PCDHGA9: variants seen among roughly 807,000 people sequenced by gnomAD.
PCDHGA9 encodes protocadherin gamma subfamily A, 9.
PCDHGA9 carries 37 observed loss-of-function variants against 62.5 expected under a neutral mutation model. That is an observed-to-expected ratio of 0.59 (90% CI 0.46 to 0.78). PCDHGA9 has a LOEUF of 0.78. PCDHGA9 is among the 30% of genes least tolerant of loss of function. The probability of loss-of-function intolerance (pLI) is 0.00; values close to 1 mark genes in which losing one functional copy is unlikely to be tolerated. For synonymous variants in PCDHGA9, 459 were observed against 484.6 expected (o/e 0.95, Z 0.69); for missense variants, 1,138 against 1,166.2 (o/e 0.98, Z 0.35).
chr5:141,409,231 C>T (rs756486864), intron 1 of PCDHGA9: 7 of 1,613,926 alleles, frequency 4.3e-6, no homozygotes, highest in Admixed American at 3.3e-5. Flanking sequence ...AAAACGACAA[C>T]AGCCCAGAAA....
At chr5:141,494,215 G>T (rs984086536) in intron 1 of PCDHGA9, among the ~76,000 whole-genome samples, 2 of 152,200 alleles carry the variant, frequency 1.3e-5, no homozygotes, top group Non-Finnish European at 2.9e-5. Context: ...GCCCAATCTG[G>T]CATGACTCCT....
chr5:141,484,532 G>A (rs1421387882), intron 1 of PCDHGA9, among the ~76,000 whole-genome samples: 1 of 152,182 alleles, frequency 6.6e-6, no homozygotes, highest in Non-Finnish European at 1.5e-5. Context: ...TTGAGTATAT[G>A]GCAGTGGTTC....
At chr5:141,417,602 C>T (rs556223277) in intron 1 of PCDHGA9, 2 of 510,170 alleles carry the variant, frequency 3.9e-6, no homozygotes, top group Admixed American at 3.8e-5. Context: ...TGGGCGCCGC[C>T]GTCGGCCAGT....
chr5:141,461,813 C>T (rs2099023751), intron 1 of PCDHGA9, among the ~76,000 whole-genome samples: 1 of 151,846 alleles, frequency 6.6e-6, no homozygotes, highest in African/African-American at 2.4e-5. Flanking sequence ...ACCACCACAC[C>T]CAGCTAATTT....
At chr5:141,469,770 A>G (rs1003620088) in intron 1 of PCDHGA9, among the ~76,000 whole-genome samples, 4 of 152,234 alleles carry the variant, frequency 2.6e-5, no homozygotes, top group Non-Finnish European at 5.9e-5. Flanking sequence ...ATACCAGCTT[A>G]TTTATTACAG....
chr5:141,481,085 A>T (rs1200522212), intron 1 of PCDHGA9, among the ~76,000 whole-genome samples: 1 of 152,192 alleles, frequency 6.6e-6, no homozygotes, highest in African/African-American at 2.4e-5. Flanking sequence ...AAGAAAAAAG[A>T]AAAGCAGTAC....
chr5:141,510,986 G>A lies in PCDHGA9; in HGVS notation c.2612G>A (p.Gly871Asp), dbSNP rs754203270. The A allele has an allele frequency of 6.2e-7, 1 of 1,614,166 alleles. No individual in the cohort carries two copies. The highest frequency in any genetic ancestry group is 8.5e-7 in the Non-Finnish European group (1 of 1,180,012). The change falls in exon 4 of 4, where the codon GGC becomes GAC. Residue 871 changes from glycine to aspartate, a missense_variant. Physicochemically the swap from Gly to Asp is moderately conservative, Grantham distance 94. Transcript: ENST00000573521. ...DGSSTLGGGA[G>D]TMGLSARYGP... ...AGCTCCACCCTGGGAGGGGGTGCCG[G>A]CACCATGGGATTGAGCGCCCGCTAC... is the stretch of plus-strand genomic sequence containing the variant.
At position 141,405,002 on chromosome 5, in the gene PCDHGA9, C is replaced by T. The variant is rs2154535993; in HGVS notation, c.2050C>T (p.Leu684=). ...DLGSLQIPAD[L]EASDLTLYLV... is the part of the protein sequence containing the mutation. ...GGGCAGTCTTCAGATCCCTGCAGAC[C>T]TGGAGGCCTCAGACCTTACCCTCTA... is the stretch of plus-strand genomic sequence containing the variant. Residue 684 remains leucine, a synonymous_variant, in exon 1 of 4, where the codon CTG becomes TTG. Transcript: ENST00000573521. The T allele has an allele frequency of 1.9e-6, 3 of 1,613,870 alleles. No homozygotes were observed. In the East Asian group the frequency reaches 6.7e-5, roughly 36 times the overall value.
chr5:141,447,136 T>TTTTTTG (rs1304915683), intron 1 of PCDHGA9, among the ~76,000 whole-genome samples: 1 of 152,090 alleles, frequency 6.6e-6, no homozygotes, highest in Non-Finnish European at 1.5e-5. Context: ...TGTTTGTTTG[T>TTTTTTG]TTTTTGTTTT....
chr5:141,492,908 A>G (rs1595151443), intron 1 of PCDHGA9, among the ~76,000 whole-genome samples: 2 of 152,302 alleles, frequency 1.3e-5, no homozygotes, highest in African/African-American at 4.8e-5. Context: ...TCGTGATCAC[A>G]ATGTGCCCAG....
chr5:141,419,735 G>T (rs1013306543), intron 1 of PCDHGA9: 1 of 1,613,806 alleles, frequency 6.2e-7, no homozygotes, highest in Non-Finnish European at 8.5e-7. Context: ...AACAGGCGAG[G>T]TGCGCATGGT....
intron 1 of PCDHGA9, among the ~76,000 whole-genome samples, chr5:141,430,040 T>C (rs1449876504): frequency 1.3e-5 from 2 of 152,232 alleles, no homozygotes; most frequent in African/African-American, 2.4e-5. Flanking sequence ...ATTCTGATAA[T>C]GTATACAATC....
chr5:141,436,700 C>T (rs2097841356), intron 1 of PCDHGA9, among the ~76,000 whole-genome samples: 1 of 152,166 alleles, frequency 6.6e-6, no homozygotes, highest in Non-Finnish European at 1.5e-5. Flanking sequence ...AATGCCAGCA[C>T]ACTCGATGTT....
chr5:141,489,300 C>A lies in PCDHGA9; in HGVS notation c.2425-5507C>A. On this transcript the variant is annotated intron_variant, in intron 1 of 3. Coordinates refer to ENST00000573521, the MANE Select transcript of PCDHGA9 (RefSeq NM_018921.3). The surrounding 1 kb of genome is among the most constrained non-coding windows in gnomAD (Gnocchi z 4.5). ...AATGGCAAGTGCTGTGCATGTTGTC[C>A]TTGTGCTGCTGGGGCTGGGTGTCTG... 1 of 1,585,698 alleles carries A rather than the reference C, an allele frequency of 6.3e-7. No homozygotes were observed. Among genetic ancestry groups the A allele is most frequent in the South Asian group, 1.2e-5 (1 of 85,012 alleles).
Position 141,432,136 on chromosome 5 carries a change from T to C in PCDHGA9, c.2424+26760T>C, listed in dbSNP as rs766026174. 2 of 1,613,960 alleles carry C rather than the reference T, an allele frequency of 1.2e-6. No individual in the cohort carries two copies. The highest frequency in any genetic ancestry group is 1.7e-5 in the Admixed American group (1 of 59,996). On this transcript the variant is annotated intron_variant, in intron 1 of 3. Transcript: ENST00000573521. The surrounding 1 kb of genome is among the most constrained non-coding windows in gnomAD (Gnocchi z 6.0). ...TCTTCCCTCAGGCCTCCTATTCCGC[T>C]TATATCCCAGAGAACAATCCCAGAG...
At chr5:141,423,429 A>G (rs1590473158) in intron 1 of PCDHGA9, 2 of 1,613,960 alleles carry the variant, frequency 1.2e-6, no homozygotes, top group African/African-American at 1.3e-5. Flanking sequence ...GCGGGTTGGC[A>G]GGTATGCCCA....
At chr5:141,494,752 T>G (rs889400984) in intron 1 of PCDHGA9, 55 bp from the exon 2 acceptor site, 6 of 1,612,324 alleles carry the variant, frequency 3.7e-6, no homozygotes, top group East Asian at 2.2e-5. Flanking sequence ...GGGGCTCGGG[T>G]GACATTCTAA....
intron 1 of PCDHGA9, chr5:141,405,594 C>G: frequency 1.7e-6 from 1 of 578,834 alleles, no homozygotes; most frequent in Non-Finnish European, 3.0e-6. Context: ...ACAGGCCTCC[C>G]AAGTAGAATA....
chr5:141,433,358 C>CCTATCTATCTATCTATCTAT (rs3074541), intron 1 of PCDHGA9: 39 of 504,044 alleles, frequency 7.7e-5, no homozygotes, highest in Admixed American at 1.8e-4. Context: ...CTACTGTCTG[C>CCTATCTATCTATCTATCTAT]CTATCTATCT....
Sources: gnomAD v4.1 joint callset for allele counts (sites outside exome capture counted in the v4.1 genomes callset) on GRCh38, gnomAD v4.1.1 for gene constraint, Gnocchi (gnomAD v3.1) non-coding constraint, MANE v1.5 for transcripts, NCBI Gene and HGNC (gene_info 2026-07-23, HGNC 2026-07-21) for gene names.